The following THSD7A variants were observed in gnomAD, a reference collection of about 807,000 sequenced individuals.
The protein encoded by THSD7A is thrombospondin type-1 domain-containing protein 7A.
A neutral mutation model predicts 231.3 loss-of-function variants in THSD7A; 96 were observed. The observed-to-expected ratio is 0.41, with a 90% CI of 0.35 to 0.49. The LOEUF (loss-of-function observed/expected upper bound fraction) is 0.49, where lower values mean the gene tolerates loss of function less well. Among genes scored for constraint, THSD7A ranks in the 20% least tolerant of loss-of-function variants. The pLI is 0.05. For synonymous variants in THSD7A, 940 were observed against 743.3 expected, an observed-to-expected ratio of 1.26 and a Z score of -4.30; for missense variants, 2,290 against 2,070.2, an observed-to-expected ratio of 1.11 and a Z score of -2.06.
chr7:11,629,067 G>A (rs1391237516), intron 2 of THSD7A, among the ~76,000 whole-genome samples: 1 of 152,140 alleles, frequency 6.6e-6, no homozygotes, highest in African/African-American at 2.4e-5. Flanking sequence ...GATACAGGCA[G>A]GAGCCTTTGC....
At chr7:11,659,524 T>C (rs573155936) in intron 1 of THSD7A, among the ~76,000 whole-genome samples, 1 of 151,440 alleles carries the variant, frequency 6.6e-6, no homozygotes, top group African/African-American at 2.4e-5. Context: ...TTCTCTCAGA[T>C]AGATCTCTTC....
rs149916492 is a variant in THSD7A, at chr7:11,552,745, A to G, written c.1454-9628T>C. Among the ~76,000 whole-genome samples the G allele has an allele frequency of 3.5e-3, 535 of 152,214 alleles. 7 individuals are homozygous for G. The highest frequency in any genetic ancestry group is 0.012 in the African/African-American group (510 of 41,548). ...CTTCCCTTGTCTTTATGAGCCACAT[A>G]CGTGTACAGTAAGGAACAGACAAGA... is the stretch of plus-strand genomic sequence containing the variant. On this transcript the variant is annotated intron_variant, in intron 4 of 27. Coordinates refer to ENST00000423059, the MANE Select transcript of THSD7A (RefSeq NM_015204.3).
At chr7:11,470,738 C>T (rs1293326327) in intron 8 of THSD7A, among the ~76,000 whole-genome samples, 1 of 151,480 alleles carries the variant, frequency 6.6e-6, no homozygotes, top group African/African-American at 2.4e-5. Context: ...GATAGTAAAT[C>T]AGTAAAGAAA....
chr7:11,475,898 T>C (rs550388029), intron 7 of THSD7A, among the ~76,000 whole-genome samples: 2 of 149,920 alleles, frequency 1.3e-5, no homozygotes, highest in Admixed American at 1.3e-4. Flanking sequence ...TGAAGTTCTA[T>C]CAGGTCATAT....
intron 26 of THSD7A, among the ~76,000 whole-genome samples, chr7:11,378,428 T>C (rs531149739): frequency 6.6e-6 from 1 of 152,332 alleles, no homozygotes. Context: ...TATTCAAGCA[T>C]TTGCCTGTAT....
At position 11,590,573 on chromosome 7, in the gene THSD7A, C is replaced by A; in HGVS notation, c.1340G>T (p.Arg447Met). 6.2e-7 allele frequency: 1 copy of A among 1,613,892 alleles called. No individual in the cohort carries two copies. Among genetic ancestry groups the A allele is most frequent in the Non-Finnish European group, 8.5e-7 (1 of 1,179,836 alleles). ...ACAGAGGGCCGTCTGGTTGCCGCGCCTCTTGTCCTGCTGACTGAGCAAAGG... is the reference window on the plus strand; with the variant it reads ...ACAGAGGGCCGTCTGGTTGCCGCGCATCTTGTCCTGCTGACTGAGCAAAGG... Reference protein sequence around the residue: ...VDPLLSQQDKRRGNQTALCGG... With the variant: ...VDPLLSQQDKMRGNQTALCGG... The change falls in exon 4 of 28, where the codon AGG becomes ATG. Residue 447 changes from arginine (R) to methionine (M), a missense_variant. Arg to Met is a moderately conservative substitution (Grantham distance 91). Coordinates refer to ENST00000423059, the MANE Select transcript of THSD7A (RefSeq NM_015204.3). This position sits in a 1 kb window ranked among gnomAD's most constrained non-coding sequence, Gnocchi z 4.4.
chr7:11,568,816 A>G (rs1417153274), intron 4 of THSD7A, among the ~76,000 whole-genome samples: 1 of 151,870 alleles, frequency 6.6e-6, no homozygotes, highest in African/African-American at 2.4e-5. Flanking sequence ...GATTGTATAT[A>G]TAGAAAAGCC....
chr7:11,786,770 A>AAG (rs1467793066), intron 1 of THSD7A, among the ~76,000 whole-genome samples: 8 of 133,934 alleles, frequency 6.0e-5, no homozygotes, highest in Admixed American at 5.1e-4. Context: ...AAAAAAAAAA[A>AAG]AAAAAAAAAA....
At chr7:11,773,698 G>A (rs951144171) in intron 1 of THSD7A, among the ~76,000 whole-genome samples, 1 of 151,442 alleles carries the variant, frequency 6.6e-6, no homozygotes, top group African/African-American at 2.5e-5. Context: ...ATACATATTT[G>A]TGGGGTACAT....
At position 11,590,286 on chromosome 7, in the gene THSD7A, T is replaced by C. The variant is rs1350859037; in HGVS notation, c.1453+174A>G. Among the ~76,000 whole-genome samples, 1 of 152,196 alleles carries C rather than the reference T, an allele frequency of 6.6e-6. No individual in the cohort carries two copies. Among genetic ancestry groups the C allele is most frequent in the African/African-American group, 2.4e-5 (1 of 41,440 alleles). On this transcript the variant is annotated intron_variant, in intron 4 of 27. Coordinates refer to ENST00000423059, the MANE Select transcript of THSD7A (RefSeq NM_015204.3). The surrounding 1 kb of genome is among the most constrained non-coding windows in gnomAD (Gnocchi z 4.4). ...GAACTGACCAAAGATGGAATTGTGT[T>C]AAATATTTTCACAACCATAATGTGG... is the stretch of plus-strand genomic sequence containing the variant.
chr7:11,476,192 T>A (rs1786168031), intron 7 of THSD7A, among the ~76,000 whole-genome samples: 1 of 151,996 alleles, frequency 6.6e-6, no homozygotes, highest in Non-Finnish European at 1.5e-5. Flanking sequence ...CCTTTAGAAT[T>A]TCCTAACATA....
chr7:11,522,442 A>G (rs2128316691), intron 6 of THSD7A, among the ~76,000 whole-genome samples: 1 of 152,296 alleles, frequency 6.6e-6, no homozygotes, highest in South Asian at 2.1e-4. Flanking sequence ...ATGTTTATAA[A>G]TGAGATTCAA....
At chr7:11,758,263 G>A (rs532247130) in intron 1 of THSD7A, among the ~76,000 whole-genome samples, 15 of 151,982 alleles carry the variant, frequency 9.9e-5, no homozygotes, top group African/African-American at 3.6e-4. Flanking sequence ...AATAGGTTAT[G>A]CTCTATATTT....
chr7:11,740,070 T>C (rs963995965), intron 1 of THSD7A, among the ~76,000 whole-genome samples: 8 of 151,940 alleles, frequency 5.3e-5, no homozygotes, highest in Non-Finnish European at 1.0e-4. Flanking sequence ...CTTCTAATGA[T>C]CAAAGATTCA....
intron 6 of THSD7A, among the ~76,000 whole-genome samples, chr7:11,486,335 G>A (rs567761471): frequency 3.3e-5 from 5 of 152,252 alleles, no homozygotes; most frequent in African/African-American, 7.2e-5. Flanking sequence ...CATTAAACAC[G>A]CACATATCTA....
intron 1 of THSD7A, among the ~76,000 whole-genome samples, chr7:11,750,429 G>A (rs899262521): frequency 1.3e-5 from 2 of 151,836 alleles, no homozygotes; most frequent in African/African-American, 4.8e-5. Context: ...GGAAGTCCTA[G>A]TCTCCAAATT....
chr7:11,769,320 C>T (rs960445362), intron 1 of THSD7A, among the ~76,000 whole-genome samples: 1 of 150,440 alleles, frequency 6.6e-6, no homozygotes, highest in African/African-American at 2.4e-5. Flanking sequence ...TGAAAGCAAT[C>T]ACCTGTAGAG....
intron 4 of THSD7A, among the ~76,000 whole-genome samples, chr7:11,545,216 G>T (rs1031894204): frequency 6.6e-6 from 1 of 151,782 alleles, no homozygotes; most frequent in African/African-American, 2.4e-5. Flanking sequence ...AGAGGTTTTG[G>T]GTAGAAGACC....
At chr7:11,410,850 C>A (rs560366627) in intron 19 of THSD7A, among the ~76,000 whole-genome samples, 1 of 151,962 alleles carries the variant, frequency 6.6e-6, no homozygotes, top group Non-Finnish European at 1.5e-5. Context: ...AAATGATGGA[C>A]CTTGGCAGGT....
Sources: allele counts gnomAD v4.1 joint callset (sites outside exome capture counted in the v4.1 genomes callset), GRCh38; gene constraint gnomAD v4.1.1; non-coding constraint Gnocchi (gnomAD v3.1); transcripts MANE v1.5; gene names NCBI Gene and HGNC (gene_info 2026-07-23, HGNC 2026-07-21).